CCT6B: variants seen among roughly 807,000 people sequenced by gnomAD.
The protein encoded by CCT6B is probable T-complex protein 1 subunit zeta-2.
CCT6B carries 49 observed loss-of-function variants against 61.5 expected under a neutral mutation model. That is an observed-to-expected ratio of 0.80 (90% CI 0.63 to 1.01). The LOEUF (loss-of-function observed/expected upper bound fraction) is 1.01, where lower values mean the gene tolerates loss of function less well. Ranked by LOEUF, CCT6B falls within the 50% of genes least tolerant of loss-of-function variation. The probability of loss-of-function intolerance (pLI) is 0.00; values close to 1 mark genes in which losing one functional copy is unlikely to be tolerated. For synonymous variants in CCT6B, 228 were observed against 214.5 expected, an observed-to-expected ratio of 1.06 and a Z score of -0.55; for missense variants, 666 against 634.7, an observed-to-expected ratio of 1.05 and a Z score of -0.53.
intron 10 of CCT6B, among the ~76,000 whole-genome samples, chr17:34,934,724 A>G (rs2090075277): frequency 6.6e-6 from 1 of 152,222 alleles, no homozygotes; most frequent in Non-Finnish European, 1.5e-5. Context: ...GTCTACCAAC[A>G]TTTAAGAAAG....
chr17:34,953,645 C>T (rs71381407), intron 4 of CCT6B, among the ~76,000 whole-genome samples: 1,549 of 152,042 alleles, frequency 0.01, 8 homozygotes, highest in South Asian at 0.03. Context: ...AACATATATT[C>T]TACCTTTAGA....
chr17:34,952,070 T>C lies in CCT6B; in HGVS notation c.511-17A>G, dbSNP rs781325055. 2.0e-5 allele frequency: 29 copies of C among 1,450,344 alleles called. No individual in the cohort carries two copies. Among genetic ancestry groups the C allele is most frequent in the Non-Finnish European group, 2.7e-5 (28 of 1,034,028 alleles). 89.8% of individuals were successfully genotyped at this position (1,450,344 alleles called of 1,614,324 possible). Reference sequence around the variant, plus strand: ...CACCACAACCTGAAAGAGAAATGAATGAGAACAGTTAAGTTATTTGGACTA... The same window carrying C: ...CACCACAACCTGAAAGAGAAATGAACGAGAACAGTTAAGTTATTTGGACTA... On this transcript the variant is annotated splice_polypyrimidine_tract_variant and intron_variant, in intron 4 of 13. Coordinates refer to ENST00000314144, the MANE Select transcript of CCT6B (RefSeq NM_006584.4).
Position 34,959,633 on chromosome 17 carries a change from C to T in CCT6B, c.155G>A (p.Gly52Asp). The T allele has an allele frequency of 1.9e-6, 3 of 1,612,602 alleles. No individual in the cohort carries two copies. Among genetic ancestry groups the T allele is most frequent in the Non-Finnish European group, 2.5e-6 (3 of 1,178,678 alleles). The change falls in exon 2 of 14, where the codon GGT becomes GAT. Residue 52 changes from glycine to aspartate, a missense_variant. Physicochemically the swap from Gly to Asp is moderately conservative, Grantham distance 94. Coordinates refer to ENST00000314144, the MANE Select transcript of CCT6B (RefSeq NM_006584.4). ...GTMKMLVSGA[G>D]DIKLTKDGNV... ...GCCATCTTTGGTGAGTTTGATGTCA[C>T]CTGCACCAGAAACAAGCCTGTTCAG... is the stretch of plus-strand genomic sequence containing the variant.
rs766656468 is a variant in CCT6B, at chr17:34,942,547, TA to T, written c.821del (p.Ile274LysfsTer2). 1 of 1,608,250 alleles carries T rather than the reference TA, an allele frequency of 6.2e-7. No homozygotes were observed. The highest frequency in any genetic ancestry group is 1.3e-5 in the African/African-American group (1 of 74,654). ...RKFIEDRVQK[I>X]IDLKDKVCAQ... ...CACAGACTTTGTCCTTCAGGTCTAT[TA>T]TTTTTTGTACTCTATCTTCAATAAA... is the stretch of plus-strand genomic sequence containing the variant. On this transcript the variant is annotated frameshift_variant, in exon 7 of 14. Coordinates refer to ENST00000314144, the MANE Select transcript of CCT6B (RefSeq NM_006584.4). LOFTEE classifies it high-confidence loss of function.
chr17:34,928,455 TAG>T (rs201473424), intron 13 of CCT6B, among the ~76,000 whole-genome samples: 1,940 of 152,250 alleles, frequency 0.013, 46 homozygotes, highest in African/African-American at 0.045. Context: ...GTATTTTTAG[TAG>T]AGACAGGGTT....
chr17:34,937,739 T>G (rs2090110469), intron 10 of CCT6B, among the ~76,000 whole-genome samples: 2 of 152,172 alleles, frequency 1.3e-5, no homozygotes. Flanking sequence ...AACTTCTCTT[T>G]GAAAGGCACT....
chr17:34,932,625 G>T, intron 10 of CCT6B, 125 bp from the exon 11 acceptor site: 2 of 753,774 alleles, frequency 2.7e-6, no homozygotes, highest in Non-Finnish European at 4.2e-6. Context: ...AAATTGCACA[G>T]CTTAGTAATT....
chr17:34,956,772 GCTCTCCTCTGTCCTCT>G (rs2090351678), intron 3 of CCT6B, among the ~76,000 whole-genome samples: 1 of 151,696 alleles, frequency 6.6e-6, no homozygotes, highest in South Asian at 2.1e-4. Context: ...GTCTTTCTTC[GCTCTCCTCTGTCCTCT>G]CTCTCCTCTC....
chr17:34,946,660 G>A (rs1350347598), intron 5 of CCT6B, among the ~76,000 whole-genome samples: 2 of 152,148 alleles, frequency 1.3e-5, no homozygotes, highest in Non-Finnish European at 2.9e-5. Flanking sequence ...CTACCTAAAT[G>A]CCAATGAACA....
chr17:34,941,034 T>A (rs1223401304), intron 7 of CCT6B, among the ~76,000 whole-genome samples: 1 of 152,178 alleles, frequency 6.6e-6, no homozygotes, highest in Non-Finnish European at 1.5e-5. Flanking sequence ...ATGAAGAAAA[T>A]CTGGCCCCAC....
At chr17:34,930,551 C>T (rs567020615) in intron 12 of CCT6B, among the ~76,000 whole-genome samples, 3 of 152,256 alleles carry the variant, frequency 2.0e-5, no homozygotes, top group Non-Finnish European at 2.9e-5. Context: ...CCTGACCAAC[C>T]CTTTAAGCTG....
At chr17:34,929,104 A>G in intron 12 of CCT6B, 70 bp from the exon 13 acceptor site, 2 of 930,430 alleles carry the variant, frequency 2.1e-6, no homozygotes, top group Non-Finnish European at 3.4e-6. Context: ...ATATCTTCTA[A>G]AAATATTTAA....
chr17:34,943,237 A>G (rs2090186177), intron 5 of CCT6B: 1 of 173,672 alleles, frequency 5.8e-6, no homozygotes, highest in Non-Finnish European at 1.2e-5. Context: ...AAGAGAATCT[A>G]CTTTAACACA....
chr17:34,937,965 T>C (rs1184940091), intron 10 of CCT6B, among the ~76,000 whole-genome samples: 2 of 151,896 alleles, frequency 1.3e-5, no homozygotes, highest in Admixed American at 1.3e-4. Flanking sequence ...CATAGCTCAC[T>C]GTAACCTCAG....
rs2090327874 is a variant in CCT6B at position 34,954,554 on chromosome 17, T to A, written c.382A>T (p.Ile128Leu). 6.2e-7 allele frequency: 1 copy of A among 1,613,716 alleles called. No individual in the cohort carries two copies. Among genetic ancestry groups the A allele is most frequent in the Admixed American group, 1.7e-5 (1 of 59,966 alleles). Reference protein sequence around the residue: ...IIAEGFEAAKIKALEVLEEVK... With the variant: ...IIAEGFEAAKLKALEVLEEVK... The stretch of plus-strand genomic sequence containing the variant: ...TCCTCCAAAACTTCAAGTGCTTTTA[T>A]CTTTGCAGCTTCAAATCCTTCAGCT... Residue 128 changes from isoleucine (I) to leucine (L), a missense_variant, in exon 4 of 14, where the codon ATA becomes TTA. Ile to Leu is a conservative substitution (Grantham distance 5). Transcript: ENST00000314144.
chr17:34,934,148 A>C (rs1007081630), intron 10 of CCT6B, among the ~76,000 whole-genome samples: 9 of 151,820 alleles, frequency 5.9e-5, no homozygotes, highest in Non-Finnish European at 1.2e-4. Context: ...AAAAAAAAAA[A>C]AAAACTAAAA....
intron 4 of CCT6B, among the ~76,000 whole-genome samples, chr17:34,953,637 C>T (rs1170073699): frequency 4.6e-5 from 7 of 151,938 alleles, no homozygotes; most frequent in Admixed American, 4.6e-4. Flanking sequence ...GCCTATATAA[C>T]ATATATTCTA....
At position 34,961,292 on chromosome 17, in the gene CCT6B, C is replaced by T. The variant is rs1322351152; in HGVS notation, c.102G>A (p.Leu34=). The change falls in exon 1 of 14, where the codon CTG becomes CTA. Residue 34 remains leucine, a synonymous_variant. Coordinates refer to ENST00000314144, the MANE Select transcript of CCT6B (RefSeq NM_006584.4). The part of the protein sequence containing the change: ...ICAARGLQDV[L]RTNLGPKGTM... ...TGCCTTTAGGACCCAAGTTGGTCCG[C>T]AGCACATCCTGCAGCCCTCGGGCGG... 7 of 1,612,882 alleles carry T rather than the reference C, an allele frequency of 4.3e-6. No homozygotes were observed. The highest frequency in any genetic ancestry group is 5.9e-6 in the Non-Finnish European group (7 of 1,179,768).
intron 4 of CCT6B, 102 bp downstream of exon 4, chr17:34,954,323 GC>G: frequency 1.2e-6 from 1 of 822,520 alleles, no homozygotes. Flanking sequence ...CATATTTTAT[GC>G]CCAAAAAACC....
Sources: allele counts gnomAD v4.1 joint callset (sites outside exome capture counted in the v4.1 genomes callset), GRCh38; gene constraint gnomAD v4.1.1; transcripts MANE v1.5; gene names NCBI Gene and HGNC (gene_info 2026-07-23, HGNC 2026-07-21).